The following TNIK variants were observed in gnomAD, a reference collection of about 807,000 sequenced individuals.
The protein encoded by TNIK is TRAF2 and NCK interacting kinase.
TNIK carries 49 observed loss-of-function variants against 191.3 expected under a neutral mutation model. The ratio of observed to expected loss-of-function variants is 0.26; its 90% CI spans 0.20 to 0.32. The LOEUF is 0.32. Ranked by LOEUF, TNIK falls within the 10% of genes least tolerant of loss-of-function variation. The pLI is 1.00. For missense variants in TNIK, 1,155 were observed against 1,702.3 expected (o/e 0.68, Z 5.66); for synonymous variants, 594 against 600.9 (o/e 0.99, Z 0.17).
At chr3:171,363,582 T>C (rs983187804) in intron 2 of TNIK, among the ~76,000 whole-genome samples, 1 of 152,224 alleles carries the variant, frequency 6.6e-6, no homozygotes, top group African/African-American at 2.4e-5. Context: ...AATAAGTGAA[T>C]AGTATAATAC....
intron 12 of TNIK, among the ~76,000 whole-genome samples, chr3:171,149,145 T>A (rs1350940248): frequency 1.3e-5 from 2 of 152,060 alleles, no homozygotes; most frequent in Non-Finnish European, 2.9e-5. Flanking sequence ...TGGTTAGGAA[T>A]AACTAAGAAG....
intron 21 of TNIK, among the ~76,000 whole-genome samples, chr3:171,105,660 G>A (rs1182177429): frequency 6.6e-6 from 1 of 152,064 alleles, no homozygotes; most frequent in Non-Finnish European, 1.5e-5. Context: ...GTCCAGTGTG[G>A]TGCAGTACAC....
intron 29 of TNIK, 87 bp downstream of exon 29, chr3:171,071,131 AATTGG>A: frequency 2.4e-6 from 2 of 836,092 alleles, no homozygotes. Flanking sequence ...TCTATATGAA[AATTGG>A]TATTGGTCTA....
At chr3:171,256,751 GA>G (rs535779823) in intron 2 of TNIK, among the ~76,000 whole-genome samples, 57 of 152,238 alleles carry the variant, frequency 3.7e-4, no homozygotes, top group African/African-American at 1.3e-3. Flanking sequence ...TCTGACTTGG[GA>G]GTTTCTTTTT....
chr3:171,184,180 A>C (rs1036711738), intron 7 of TNIK, among the ~76,000 whole-genome samples: 1 of 152,154 alleles, frequency 6.6e-6, no homozygotes, highest in African/African-American at 2.4e-5. Flanking sequence ...TAGGAGGCAA[A>C]GTCTAAACTG....
At chr3:171,371,354 C>T (rs948800881) in intron 1 of TNIK, among the ~76,000 whole-genome samples, 8 of 152,124 alleles carry the variant, frequency 5.3e-5, no homozygotes, top group African/African-American at 1.7e-4. Flanking sequence ...GCGTAGGTGC[C>T]TTCAAAGATT....
chr3:171,170,221 A>G (rs1577026944), intron 9 of TNIK, among the ~76,000 whole-genome samples: 1 of 152,368 alleles, frequency 6.6e-6, no homozygotes, highest in East Asian at 1.9e-4. Context: ...ATAAATGGTA[A>G]TGATTGGTAC....
chr3:171,262,074 C>G (rs1747702996), intron 2 of TNIK, among the ~76,000 whole-genome samples: 2 of 152,156 alleles, frequency 1.3e-5, no homozygotes, highest in African/African-American at 4.8e-5. Flanking sequence ...AAGATAGTGA[C>G]AGTGGCCTCA....
In TNIK at chr3:171,395,814, C is replaced by T. The variant is rs138242879; in HGVS notation, c.58-26129G>A. On this transcript the variant is annotated intron_variant, in intron 1 of 32. Coordinates refer to ENST00000436636, the MANE Select transcript of TNIK (RefSeq NM_015028.4). Reference sequence around the variant, plus strand: ...TGCTTAGGAAACTTAGGAAACAGAACGTTACCACTTGGAAATCATCTGACT... The same window carrying T: ...TGCTTAGGAAACTTAGGAAACAGAATGTTACCACTTGGAAATCATCTGACT... 4.4e-3 allele frequency among the ~76,000 whole-genome samples: 666 copies of T among 152,222 alleles called. 10 individuals are homozygous for T. Among genetic ancestry groups the T allele is most frequent in the South Asian group, 0.033 (157 of 4,812 alleles).
At chr3:171,458,028 G>C (rs959337545) in intron 1 of TNIK, among the ~76,000 whole-genome samples, 6 of 152,042 alleles carry the variant, frequency 3.9e-5, no homozygotes, top group Non-Finnish European at 5.9e-5. Context: ...GACAAGTCCC[G>C]GCCCAACTTA....
intron 2 of TNIK, among the ~76,000 whole-genome samples, chr3:171,367,062 G>A (rs970605219): frequency 3.3e-5 from 5 of 152,160 alleles, no homozygotes; most frequent in Non-Finnish European, 7.3e-5. Context: ...TTTCTTCATA[G>A]CAGCGGGAGA....
chr3:171,264,284 T>G (rs184496677), intron 2 of TNIK, among the ~76,000 whole-genome samples: 1 of 151,408 alleles, frequency 6.6e-6, no homozygotes, highest in East Asian at 2.0e-4. Context: ...ATTGTATGTT[T>G]TATACATCAT....
At chr3:171,196,967 G>C (rs1013271950) in intron 4 of TNIK, among the ~76,000 whole-genome samples, 1 of 152,106 alleles carries the variant, frequency 6.6e-6, no homozygotes, top group Non-Finnish European at 1.5e-5. Flanking sequence ...ATGTTAGCCG[G>C]GATGGTCTCG....
chr3:171,327,081 A>T (rs962482431), intron 2 of TNIK, among the ~76,000 whole-genome samples: 3 of 152,152 alleles, frequency 2.0e-5, no homozygotes, highest in African/African-American at 7.2e-5. Context: ...CTGGGATGAG[A>T]CTCCTACTTT....
chr3:171,137,648 A>G (rs1209317024), intron 15 of TNIK, among the ~76,000 whole-genome samples: 1 of 152,246 alleles, frequency 6.6e-6, no homozygotes. Flanking sequence ...TGAAGGAAGT[A>G]TGTGTAGAAG....
intron 18 of TNIK, among the ~76,000 whole-genome samples, chr3:171,120,368 T>A (rs1252964353): frequency 6.7e-6 from 1 of 149,758 alleles, no homozygotes; most frequent in Non-Finnish European, 1.5e-5. Flanking sequence ...TTGCCCAGGC[T>A]GGAGTGCAGG....
At chr3:171,103,718 GTTTAAAAGAGT>G (rs1724001158) in intron 21 of TNIK, among the ~76,000 whole-genome samples, 1 of 151,858 alleles carries the variant, frequency 6.6e-6, no homozygotes. Flanking sequence ...AGAGAATATG[GTTTAAAAGAGT>G]TTATCTCTAT....
intron 1 of TNIK, among the ~76,000 whole-genome samples, chr3:171,403,472 G>A (rs1447013210): frequency 6.6e-6 from 1 of 152,058 alleles, no homozygotes; most frequent in Non-Finnish European, 1.5e-5. Flanking sequence ...AAATTAGTTG[G>A]GCGTGGTGGC....
intron 2 of TNIK, among the ~76,000 whole-genome samples, chr3:171,290,748 A>T (rs1751594227): frequency 1.3e-5 from 2 of 152,198 alleles, no homozygotes; most frequent in Non-Finnish European, 1.5e-5. Context: ...GACTGAATGT[A>T]CAGCACTATA....
Sources: allele counts gnomAD v4.1 joint callset (sites outside exome capture counted in the v4.1 genomes callset), GRCh38; gene constraint gnomAD v4.1.1; transcripts MANE v1.5; gene names NCBI Gene and HGNC (gene_info 2026-07-23, HGNC 2026-07-21).